ZNF503: variants seen among roughly 807,000 people sequenced by gnomAD.
ZNF503 encodes the protein NocA-like zinc finger 2.
A neutral mutation model predicts 34.4 loss-of-function variants in ZNF503; 15 were observed. The ratio of observed to expected loss-of-function variants is 0.44; its 90% confidence interval spans 0.29 to 0.67. The LOEUF (loss-of-function observed/expected upper bound fraction) is 0.67. Ranked by LOEUF, ZNF503 falls within the 30% of genes least tolerant of loss-of-function variation. ZNF503 has a pLI of 0.13. For synonymous variants in ZNF503, 580 were observed against 456.8 expected, an observed-to-expected ratio of 1.27 and a Z score of -3.44; for missense variants, 1,007 against 926.8, an observed-to-expected ratio of 1.09 and a Z score of -1.12.
At chr10:75,342,264 A>G in the ZNF503 span, among the ~76,000 whole-genome samples, 76 of 152,232 alleles carry the variant, frequency 5.0e-4, no homozygotes, top group African/African-American at 1.8e-3. Flanking sequence ...CTCCAGACAG[A>G]CGCGGTCACA....
the ZNF503 span, chr10:75,298,981 G>C: frequency 6.6e-6 from 1 of 151,438 alleles, no homozygotes; most frequent in Non-Finnish European, 1.5e-5. Context: ...GCCCAGGCTG[G>C]AGTGCAATGG....
chr10:75,293,425 T>C, the ZNF503 span, among the ~76,000 whole-genome samples: 1 of 152,160 alleles, frequency 6.6e-6, no homozygotes, highest in South Asian at 2.1e-4. Flanking sequence ...CCCTGTGCCA[T>C]GAGGAGGAGA....
At chr10:75,378,992 C>G in the ZNF503 span, among the ~76,000 whole-genome samples, 3 of 152,242 alleles carry the variant, frequency 2.0e-5, no homozygotes, top group South Asian at 4.1e-4. Flanking sequence ...TCCACACCCC[C>G]CAAACCCCAG....
At chr10:75,347,071 A>G in the ZNF503 span, among the ~76,000 whole-genome samples, 25 of 152,314 alleles carry the variant, frequency 1.6e-4, no homozygotes, top group African/African-American at 4.1e-4. Flanking sequence ...TTAAAATATT[A>G]TCTGCCTCGG....
At chr10:75,367,883 G>C in the ZNF503 span, among the ~76,000 whole-genome samples, 2 of 152,130 alleles carry the variant, frequency 1.3e-5, no homozygotes, top group Admixed American at 6.5e-5. Context: ...AAGACCCAAG[G>C]GTCCTTCCTG....
At chr10:75,332,501 A>T in the ZNF503 span, among the ~76,000 whole-genome samples, 2 of 136,248 alleles carry the variant, frequency 1.5e-5, no homozygotes, top group Non-Finnish European at 1.6e-5. Context: ...TTTTATTGAT[A>T]ATTCTTGGGT....
chr10:75,328,694 G>A, the ZNF503 span, among the ~76,000 whole-genome samples: 2 of 151,058 alleles, frequency 1.3e-5, no homozygotes, highest in Non-Finnish European at 2.9e-5. Context: ...TTGGCAGTAT[G>A]GTCATTATCA....
the ZNF503 span, among the ~76,000 whole-genome samples, chr10:75,314,650 A>C: frequency 8.5e-5 from 13 of 152,370 alleles, no homozygotes; most frequent in Admixed American, 5.9e-4. Context: ...ATAAGGCTGA[A>C]AACTTCACAA....
Position 75,398,566 on chromosome 10 carries a change from A to T in ZNF503, c.*183T>A, listed in dbSNP as rs570633810. On this transcript the variant is annotated 3_prime_UTR_variant, in exon 2 of 2. Transcript: ENST00000372524. ...GGGAGGTGAAAGTGGGGAGAAGGGGAGTGTCCCACCGGGTCTCGGTCGCTG... is the reference window on the plus strand; with the variant it reads ...GGGAGGTGAAAGTGGGGAGAAGGGGTGTGTCCCACCGGGTCTCGGTCGCTG... 1.7e-4 allele frequency: 75 copies of T among 436,742 alleles called. No individual in the cohort carries two copies. In the East Asian group the frequency reaches 2.6e-3, roughly 15 times the overall value. The allele number at this position is 436,742 out of a possible 1,614,324, so 27.1% of individuals were successfully genotyped here.
chr10:75,383,691 T>A, the ZNF503 span, among the ~76,000 whole-genome samples: 46 of 152,342 alleles, frequency 3.0e-4, no homozygotes, highest in East Asian at 7.0e-3. Context: ...GCTCAGATAC[T>A]TCTTACTCCG....
Position 75,401,095 on chromosome 10 carries a change from G to A in ZNF503, c.315+10C>T. 6.2e-7 allele frequency: 1 copy of A among 1,613,782 alleles called. No individual in the cohort carries two copies. Among genetic ancestry groups the A allele is most frequent in the South Asian group, 1.1e-5 (1 of 91,066 alleles). ...GTGGTCCCAGTGCGATCCAGAGAGAGGGTCCTTACCTCGATGGGGCTGACC... is the reference window on the plus strand; with the variant it reads ...GTGGTCCCAGTGCGATCCAGAGAGAAGGTCCTTACCTCGATGGGGCTGACC... On this transcript the variant is annotated intron_variant, in intron 1 of 1. Transcript: ENST00000372524.
chr10:75,370,308 C>A, the ZNF503 span, among the ~76,000 whole-genome samples: 1 of 152,174 alleles, frequency 6.6e-6, no homozygotes, highest in Non-Finnish European at 1.5e-5. Flanking sequence ...CCCTTCAGGG[C>A]AGGGGCCAGG....
At chr10:75,365,242 G>A in the ZNF503 span, among the ~76,000 whole-genome samples, 11 of 152,304 alleles carry the variant, frequency 7.2e-5, no homozygotes, top group Admixed American at 1.3e-4. Flanking sequence ...TCTGCCTCCC[G>A]AGTTCAAGCA....
At chr10:75,382,704 C>T in the ZNF503 span, 1 of 345,992 alleles carries the variant, frequency 2.9e-6, no homozygotes, top group South Asian at 2.7e-5. Context: ...TCTCTTTTCT[C>T]TGGAAAGCTG....
chr10:75,372,158 C>G, the ZNF503 span, among the ~76,000 whole-genome samples: 1 of 152,320 alleles, frequency 6.6e-6, no homozygotes, highest in Non-Finnish European at 1.5e-5. Context: ...TCTCGAACTC[C>G]TGACCTCAGG....
At chr10:75,332,023 T>C in the ZNF503 span, among the ~76,000 whole-genome samples, 1 of 152,024 alleles carries the variant, frequency 6.6e-6, no homozygotes, top group African/African-American at 2.4e-5. Flanking sequence ...AATATCTTTT[T>C]CTAGCCCTTC....
the ZNF503 span, among the ~76,000 whole-genome samples, chr10:75,348,144 C>A: frequency 6.6e-6 from 1 of 151,862 alleles, no homozygotes; most frequent in East Asian, 1.9e-4. Context: ...CTCACTGCAA[C>A]CTCTACCTCC....
downstream of ZNF503, among the ~76,000 whole-genome samples, chr10:75,396,793 C>G (rs927859997): frequency 1.3e-5 from 2 of 152,126 alleles, no homozygotes; most frequent in Non-Finnish European, 2.9e-5. The surrounding 1 kb of genome is among the most constrained non-coding windows in gnomAD (Gnocchi z 4.4). Context: ...CCTGGGCTAG[C>G]GCCCAGGCCT....
At chr10:75,336,666 C>T in the ZNF503 span, among the ~76,000 whole-genome samples, 1 of 152,176 alleles carries the variant, frequency 6.6e-6, no homozygotes, top group African/African-American at 2.4e-5. Context: ...TTTTGGATCT[C>T]ACAAGGCCAA....
Sources: gnomAD v4.1 joint callset for allele counts (sites outside exome capture counted in the v4.1 genomes callset) on GRCh38, gnomAD v4.1.1 for gene constraint, Gnocchi (gnomAD v3.1) non-coding constraint, MANE v1.5 for transcripts, NCBI Gene and HGNC (gene_info 2026-07-23, HGNC 2026-07-21) for gene names.